The following RIPOR3 variants were observed in gnomAD, a reference collection of about 807,000 sequenced individuals.
RIPOR3 encodes the protein family with sequence similarity 65 member C.
A neutral mutation model predicts 114.3 loss-of-function variants in RIPOR3; 95 were observed. That is an observed-to-expected ratio of 0.83 (90% CI 0.70 to 0.99). The LOEUF is 0.99. RIPOR3 is among the 50% of genes least tolerant of loss of function. The pLI is 0.00. For synonymous variants in RIPOR3, 575 were observed against 543.8 expected, an observed-to-expected ratio of 1.06 and a Z score of -0.80; for missense variants, 1,252 against 1,266.9, an observed-to-expected ratio of 0.99 and a Z score of 0.18.
intron 1 of RIPOR3, among the ~76,000 whole-genome samples, chr20:50,641,167 T>C (rs2085178936): frequency 6.6e-6 from 1 of 152,084 alleles, no homozygotes; most frequent in Admixed American, 6.5e-5. Context: ...TGCCTCGGCC[T>C]CCCAAAGTGC....
chr20:50,598,492 C>G (rs2083381227), intron 13 of RIPOR3, among the ~76,000 whole-genome samples: 1 of 152,088 alleles, frequency 6.6e-6, no homozygotes, highest in African/African-American at 2.4e-5. Flanking sequence ...AAACCAGGAT[C>G]CTAACTGCGG....
chr20:50,654,581 T>C (rs895800726), intron 1 of RIPOR3, among the ~76,000 whole-genome samples: 1 of 151,978 alleles, frequency 6.6e-6, no homozygotes, highest in African/African-American at 2.4e-5. Context: ...GGACAGGACC[T>C]AACACATAGG....
intron 14 of RIPOR3, 48 bp downstream of exon 14, chr20:50,597,532 G>A (rs779614363): frequency 2.6e-5 from 40 of 1,568,522 alleles, no homozygotes; most frequent in Admixed American, 3.7e-5. Context: ...CGGGTCACCC[G>A]GTGGGAGTGG....
At chr20:50,610,108 C>G (rs2083914792) in intron 6 of RIPOR3, among the ~76,000 whole-genome samples, 1 of 141,576 alleles carries the variant, frequency 7.1e-6, no homozygotes, top group Non-Finnish European at 1.5e-5. Context: ...CCACCCCTGC[C>G]TCACCTGCCA....
chr20:50,630,954 T>A, intron 1 of RIPOR3, 98 bp from the exon 2 acceptor site: 1 of 927,008 alleles, frequency 1.1e-6, no homozygotes, highest in Non-Finnish European at 1.7e-6. Context: ...GACCTCACAA[T>A]GGCCCCAGAG....
At chr20:50,665,885 C>G (rs1239674206) in intron 1 of RIPOR3, among the ~76,000 whole-genome samples, 1 of 152,050 alleles carries the variant, frequency 6.6e-6, no homozygotes, top group East Asian at 1.9e-4. Context: ...TAAGGCCCCC[C>G]GTCGCCACGC....
Position 50,616,036 on chromosome 20 carries a change from C to T in RIPOR3, c.314G>A (p.Gly105Glu), listed in dbSNP as rs1400421938. The change falls in exon 4 of 22, where the codon GGA becomes GAA. Residue 105 changes from glycine to glutamate, a missense_variant. Physicochemically the swap from Gly to Glu is moderately conservative, Grantham distance 98. Coordinates refer to ENST00000327979, the MANE Select transcript of RIPOR3 (RefSeq NM_001290268.2). ...VQQAELDHLS[G>E]RHKDTRRNSR... ...ATTCCTCCTGGTGTCTTTGTGGCGTCCAGACAGGTGGTCCAGCTCAGCCTG... is the reference window on the plus strand; with the variant it reads ...ATTCCTCCTGGTGTCTTTGTGGCGTTCAGACAGGTGGTCCAGCTCAGCCTG... 1 of 1,611,550 alleles carries T rather than the reference C, an allele frequency of 6.2e-7. No homozygotes were observed. The highest frequency in any genetic ancestry group is 1.7e-5 in the Admixed American group (1 of 59,660).
At chr20:50,663,154 G>A (rs2086058551) in intron 1 of RIPOR3, among the ~76,000 whole-genome samples, 2 of 150,700 alleles carry the variant, frequency 1.3e-5, no homozygotes, top group Admixed American at 1.3e-4. Context: ...TGTAGGCCCT[G>A]AGCTCAACTG....
At chr20:50,671,913 G>T (rs1189376251) in intron 1 of RIPOR3, among the ~76,000 whole-genome samples, 2 of 128,982 alleles carry the variant, frequency 1.6e-5, no homozygotes, top group Non-Finnish European at 3.3e-5. Flanking sequence ...AGGAAGAAAA[G>T]ATGGATGGAT....
chr20:50,676,025 G>A (rs1293855704), intron 1 of RIPOR3, among the ~76,000 whole-genome samples: 2 of 152,196 alleles, frequency 1.3e-5, no homozygotes, highest in Non-Finnish European at 2.9e-5. Context: ...TAGTGAGGGA[G>A]AGACACAAAT....
At chr20:50,679,822 C>A (rs561014442) in intron 1 of RIPOR3, among the ~76,000 whole-genome samples, 1 of 150,802 alleles carries the variant, frequency 6.6e-6, no homozygotes, top group East Asian at 2.0e-4. Context: ...CCAGGCATGG[C>A]GGCATACACC....
intron 1 of RIPOR3, among the ~76,000 whole-genome samples, chr20:50,640,263 C>A (rs1234637210): frequency 6.6e-6 from 1 of 151,948 alleles, no homozygotes; most frequent in Non-Finnish European, 1.5e-5. Context: ...TGCACAAAGC[C>A]TGTAGGTCTG....
chr20:50,664,156 G>A (rs1966231), intron 1 of RIPOR3, among the ~76,000 whole-genome samples: 126,542 of 152,128 alleles, frequency 0.83, 53,159 homozygotes, highest in East Asian at 0.95. Flanking sequence ...CGAACTCCTG[G>A]CTTCAGGTGA....
At chr20:50,644,222 T>C (rs2085309070) in intron 1 of RIPOR3, among the ~76,000 whole-genome samples, 1 of 152,200 alleles carries the variant, frequency 6.6e-6, no homozygotes, top group Non-Finnish European at 1.5e-5. Flanking sequence ...TCCTCCCAGC[T>C]CAGCCTCCCA....
intron 1 of RIPOR3, among the ~76,000 whole-genome samples, chr20:50,675,870 C>T (rs953011): frequency 0.67 from 102,033 of 151,768 alleles, 35,459 homozygotes; most frequent in Non-Finnish European, 0.75. Flanking sequence ...GCAAGTCGAA[C>T]GGCAGACGGG....
In RIPOR3 at chr20:50,608,663, C is replaced by T. The variant is rs756686544; in HGVS notation, c.760G>A (p.Glu254Lys). The T allele has an allele frequency of 2.0e-5, 33 of 1,613,932 alleles. No homozygotes were observed. The highest frequency in any genetic ancestry group is 1.2e-4 in the African/African-American group (9 of 74,928). Residue 254 changes from glutamate (E) to lysine (K), a missense_variant, in exon 10 of 22, where the codon GAA becomes AAA. Physicochemically the swap from Glu to Lys is moderately conservative, Grantham distance 56. Transcript: ENST00000327979. ...GTGGGGATGAAGGCCTTCTCCTCTT[C>T]GTCCCAGGTCTGGCTGTCATCTGAC... is the stretch of plus-strand genomic sequence containing the variant. Reference protein sequence around the residue: ...IESDDSQTWDEEEKAFIPTLH... With the variant: ...IESDDSQTWDKEEKAFIPTLH...
intron 21 of RIPOR3, among the ~76,000 whole-genome samples, chr20:50,587,582 G>A (rs1421684604): frequency 2.0e-5 from 3 of 152,204 alleles, no homozygotes; most frequent in Non-Finnish European, 4.4e-5. Context: ...AAAGGTCTAA[G>A]AAGACAGCGA....
intron 12 of RIPOR3, among the ~76,000 whole-genome samples, chr20:50,603,900 G>T (rs936600396): frequency 7.2e-5 from 11 of 152,328 alleles, no homozygotes; most frequent in African/African-American, 2.6e-4. Context: ...GTCCAGAGAG[G>T]GCTGGGCACG....
intron 1 of RIPOR3, among the ~76,000 whole-genome samples, chr20:50,661,110 T>C (rs1666158756): frequency 6.8e-6 from 1 of 147,140 alleles, no homozygotes; most frequent in African/African-American, 2.5e-5. Flanking sequence ...TGGTGGCACA[T>C]GCCTGTAATC....
Sources: allele counts gnomAD v4.1 joint callset (sites outside exome capture counted in the v4.1 genomes callset), GRCh38; gene constraint gnomAD v4.1.1; transcripts MANE v1.5; gene names NCBI Gene and HGNC (gene_info 2026-07-23, HGNC 2026-07-21).